PLD5: variants seen among roughly 807,000 people sequenced by gnomAD.
PLD5 encodes inactive phospholipase D5.
A neutral mutation model predicts 61.1 loss-of-function variants in PLD5; 36 were observed. That is an observed-to-expected ratio of 0.59 (90% CI 0.45 to 0.78). PLD5 has a LOEUF of 0.78. PLD5 is among the 30% of genes least tolerant of loss of function. PLD5 has a pLI of 0.00. For synonymous variants in PLD5, 243 were observed against 242.8 expected, an observed-to-expected ratio of 1.00 and a Z score of -0.01; for missense variants, 515 against 644.4, an observed-to-expected ratio of 0.80 and a Z score of 2.17.
intron 1 of PLD5, among the ~76,000 whole-genome samples, chr1:242,365,036 A>G (rs980288686): frequency 4.6e-5 from 7 of 152,132 alleles, no homozygotes; most frequent in African/African-American, 1.7e-4. Context: ...ACATCACAGC[A>G]GATCCTACAC....
intron 3 of PLD5, among the ~76,000 whole-genome samples, chr1:242,275,083 A>G: frequency 6.6e-6 from 1 of 152,170 alleles, no homozygotes; most frequent in Non-Finnish European, 1.5e-5. Context: ...ATACGTGCAT[A>G]TAAAGTTTAA....
chr1:242,505,228 T>C (rs1344519293), intron 1 of PLD5, among the ~76,000 whole-genome samples: 1 of 152,118 alleles, frequency 6.6e-6, no homozygotes, highest in Non-Finnish European at 1.5e-5. Context: ...TTGAAGCTGT[T>C]CCCCCTAAAA....
chr1:242,169,548 C>G (rs776066681), intron 5 of PLD5, among the ~76,000 whole-genome samples: 1 of 152,058 alleles, frequency 6.6e-6, no homozygotes, highest in African/African-American at 2.4e-5. Flanking sequence ...TTTTCCATAC[C>G]CCAGTGGTGC....
chr1:242,418,992 T>C (rs1664978768), intron 1 of PLD5, among the ~76,000 whole-genome samples: 4 of 151,450 alleles, frequency 2.6e-5, no homozygotes, highest in African/African-American at 9.8e-5. Flanking sequence ...GAGCAGTTCC[T>C]TGTTCTTCTA....
In PLD5 at chr1:242,220,023, C is replaced by T. The variant is rs1326318001; in HGVS notation, c.700G>A (p.Gly234Ser). The change falls in exon 5 of 10, where the codon GGC (glycine) becomes AGC (serine). Residue 234 changes from glycine (G) to serine (S), a missense_variant. This residue lies in a region of PLD5 where 450 missense variants were observed against 598.1 expected (regional missense o/e 0.75). Transcript: ENST00000536534. ...WIVDKQHVYIGSAGLDWQSLG... is the reference protein window; with the variant it reads ...WIVDKQHVYISSAGLDWQSLG... ...GATTGCCAGTCCAAACCGGCACTGC[C>T]GATATACACGTGCTGTTTGTCCACG... 7 of 1,614,126 alleles carry T rather than the reference C, an allele frequency of 4.3e-6. No individual in the cohort carries two copies. Among genetic ancestry groups the T allele is most frequent in the Non-Finnish European group, 5.9e-6 (7 of 1,180,000 alleles).
intron 9 of PLD5, among the ~76,000 whole-genome samples, chr1:242,096,362 G>T (rs1660226351): frequency 6.8e-6 from 1 of 146,508 alleles, no homozygotes; most frequent in Admixed American, 6.8e-5. Context: ...TCCCTCTTGA[G>T]ATGGAGTCTT....
chr1:242,316,806 C>T (rs12118461), intron 2 of PLD5, among the ~76,000 whole-genome samples: 118,161 of 151,284 alleles, frequency 0.78, 46,898 homozygotes, highest in Middle Eastern at 0.86. Flanking sequence ...TGTTGCTCCC[C>T]TCTTCGTGTC....
At chr1:242,107,979 T>C (rs1471544649) in intron 7 of PLD5, 140 bp from the exon 8 acceptor site, 9 of 774,074 alleles carry the variant, frequency 1.2e-5, no homozygotes, top group Admixed American at 1.1e-4. Context: ...TCGGAGAGGC[T>C]GAAAAACATA....
In PLD5 at chr1:242,394,825, T is replaced by TATATGTGAATATATATAC. The variant is rs1326441720; in HGVS notation, c.190-46601_190-46584dup. Among the ~76,000 whole-genome samples the TATATGTGAATATATATAC allele has an allele frequency of 7.6e-5, 10 of 132,364 alleles. 1 individual carries two copies. The highest frequency in any genetic ancestry group is 1.8e-4 in the Admixed American group (2 of 11,386). The allele number at this position is 132,364 out of a possible 152,430, so 86.8% of individuals were successfully genotyped here. On this transcript the variant is annotated intron_variant, in intron 1 of 9. Transcript: ENST00000536534. Reference sequence around the variant, plus strand: ...GTGTATATATGTGAATATATATACATATATGTGAATATATATACATATGTG... The same window carrying TATATGTGAATATATATAC: ...GTGTATATATGTGAATATATATACATATATGTGAATATATATACATATGTGAATATATATACATATGTG...
rs1307719193 is a variant in PLD5 at position 242,394,515 on chromosome 1, CAT to C, written c.190-46275_190-46274del. ...ACATATATATGTGTATATATGTGAA[CAT>C]ATATATGTGTATATATGTGAACATA... On this transcript the variant is annotated intron_variant, in intron 1 of 9. Coordinates refer to ENST00000536534, the MANE Select transcript of PLD5 (RefSeq NM_001372062.1). Among the ~76,000 whole-genome samples the C allele has an allele frequency of 1.5e-4, 5 of 32,860 alleles. 1 individual carries two copies. The highest frequency in any genetic ancestry group is 4.5e-4 in the Admixed American group (1 of 2,240). The allele number at this position is 32,860 out of a possible 152,430, so 21.6% of individuals were successfully genotyped here. A position where few individuals can be genotyped will look rare whatever the true frequency, so the allele number is the denominator to read the frequency against.
At chr1:242,172,755 C>T (rs946855063) in intron 5 of PLD5, among the ~76,000 whole-genome samples, 93 of 152,224 alleles carry the variant, frequency 6.1e-4, no homozygotes, top group South Asian at 1.2e-3. Flanking sequence ...AACACCTCTA[C>T]GCATATAGAC....
Position 242,456,014 on chromosome 1 carries a change from C to T in PLD5, c.189+68074G>A, listed in dbSNP as rs543485752. Among the ~76,000 whole-genome samples the T allele has an allele frequency of 2.9e-4, 44 of 152,328 alleles. 2 individuals are homozygous for T. The South Asian group carries it at 8.7e-3, about 30-fold the overall frequency. On this transcript the variant is annotated intron_variant, in intron 1 of 9. Coordinates refer to ENST00000536534, the MANE Select transcript of PLD5 (RefSeq NM_001372062.1). ...TAAATTTGAACCTGTCCTTCCAGGA[C>T]ATTACAAAGAAATACTTCACAGGTA...
At chr1:242,254,160 C>G (rs1672878010) in intron 4 of PLD5, among the ~76,000 whole-genome samples, 2 of 152,114 alleles carry the variant, frequency 1.3e-5, no homozygotes. Context: ...TAAATCCAGT[C>G]TGGTCTAGTG....
rs1659532659 is a variant in PLD5 at position 242,087,537 on chromosome 1, G to A, written c.*2317C>T. 1 of 151,926 alleles carries A rather than the reference G, an allele frequency of 6.6e-6. No homozygotes were observed. Among genetic ancestry groups the A allele is most frequent in the African/African-American group, 2.4e-5 (1 of 41,356 alleles). The allele number at this position is 151,926 out of a possible 1,614,324, so 9.4% of individuals were successfully genotyped here. On this transcript the variant is annotated 3_prime_UTR_variant, in exon 10 of 10. Coordinates refer to ENST00000536534, the MANE Select transcript of PLD5 (RefSeq NM_001372062.1). ...AGATGTCCTTTTTAAAACCAACTCA[G>A]GTCGCTTTTGTTTGTCTGAGTGTGA...
intron 1 of PLD5, among the ~76,000 whole-genome samples, chr1:242,352,263 C>G (rs1299093687): frequency 6.6e-6 from 1 of 152,202 alleles, no homozygotes; most frequent in African/African-American, 2.4e-5. Context: ...ACTTCTATAA[C>G]TGCAATTGTT....
Position 242,524,542 on chromosome 1 carries a change from G to T in PLD5, c.-266C>A, listed in dbSNP as rs1669387769. The T allele has an allele frequency of 2.1e-5, 3 of 139,600 alleles. 1 individual carries two copies. The highest frequency in any genetic ancestry group is 4.4e-5 in the Non-Finnish European group (3 of 67,618). 8.6% of individuals were successfully genotyped at this position (139,600 alleles called of 1,614,324 possible). A position where few individuals can be genotyped will look rare whatever the true frequency, so the allele number is the denominator to read the frequency against. On this transcript the variant is annotated 5_prime_UTR_variant, in exon 1 of 10. Transcript: ENST00000536534. ...TGCGGGCGGGGGCGGGGGCGGGGGC[G>T]GAGGGGGACGGACGGGGAGAAGGGG... is the stretch of plus-strand genomic sequence containing the variant.
chr1:242,162,598 T>G (rs1249731442), intron 5 of PLD5, among the ~76,000 whole-genome samples: 2 of 152,160 alleles, frequency 1.3e-5, no homozygotes, highest in Non-Finnish European at 2.9e-5. Context: ...TGCCCAGGGT[T>G]GAGATCTTAG....
chr1:242,396,682 T>C (rs1663598699), intron 1 of PLD5, among the ~76,000 whole-genome samples: 1 of 148,264 alleles, frequency 6.7e-6, no homozygotes, highest in Admixed American at 6.7e-5. Context: ...TCTTTTTTTT[T>C]TTTTTTTTTG....
chr1:242,483,831 T>A (rs1222265024), intron 1 of PLD5, among the ~76,000 whole-genome samples: 2 of 152,074 alleles, frequency 1.3e-5, no homozygotes, highest in African/African-American at 2.4e-5. Flanking sequence ...TTAGCAAATG[T>A]AAAAGAACAG....
Sources: allele counts gnomAD v4.1 joint callset (sites outside exome capture counted in the v4.1 genomes callset), GRCh38; gene constraint gnomAD v4.1.1; regional missense constraint gnomAD v4.1.1; transcripts MANE v1.5; gene names NCBI Gene and HGNC (gene_info 2026-07-23, HGNC 2026-07-21).